The following MICU1 variants were observed in gnomAD, a reference collection of about 807,000 sequenced individuals.
MICU1 encodes calcium uptake protein 1, mitochondrial.
In MICU1, 45 loss-of-function variants were observed where a neutral mutation model predicts 56.8. That is an observed-to-expected ratio of 0.79 (90% CI 0.62 to 1.02). MICU1 has a LOEUF of 1.02. Among genes scored for constraint, MICU1 ranks in the 50% least tolerant of loss-of-function variants. MICU1 has a pLI of 0.00. For missense variants in MICU1, 504 were observed against 587.1 expected, an observed-to-expected ratio of 0.86 and a Z score of 1.46; for synonymous variants, 186 against 195.1, an observed-to-expected ratio of 0.95 and a Z score of 0.39.
At chr10:72,391,643 C>T (rs1416550353) in intron 10 of MICU1, among the ~76,000 whole-genome samples, 1 of 151,842 alleles carries the variant, frequency 6.6e-6, no homozygotes, top group Admixed American at 6.6e-5. Flanking sequence ...TGCATAGGTC[C>T]ACTTACGTGC....
At chr10:72,446,992 G>A (rs949646918) in intron 8 of MICU1, among the ~76,000 whole-genome samples, 23 of 152,152 alleles carry the variant, frequency 1.5e-4, no homozygotes, top group Admixed American at 7.2e-4. Context: ...CTGTAAGTAA[G>A]TAATTCTCTT....
chr10:72,432,009 T>A (rs1864549306), intron 8 of MICU1, among the ~76,000 whole-genome samples: 1 of 152,098 alleles, frequency 6.6e-6, no homozygotes, highest in Admixed American at 6.6e-5. Flanking sequence ...TTATGTTGTC[T>A]ATTTTTAAAA....
At chr10:72,537,020 C>T (rs1214466031) in intron 4 of MICU1, among the ~76,000 whole-genome samples, 1 of 151,926 alleles carries the variant, frequency 6.6e-6, no homozygotes, top group Non-Finnish European at 1.5e-5. Context: ...AGATGGAACA[C>T]ATTTATGTTT....
chr10:72,504,476 T>C (rs772859957), intron 6 of MICU1, among the ~76,000 whole-genome samples: 3 of 152,050 alleles, frequency 2.0e-5, no homozygotes, highest in Non-Finnish European at 4.4e-5. Flanking sequence ...AAAAATTAAC[T>C]CAAGATGGAT....
At chr10:72,485,085 C>T (rs1412821762) in intron 6 of MICU1, among the ~76,000 whole-genome samples, 1 of 151,848 alleles carries the variant, frequency 6.6e-6, no homozygotes, top group Non-Finnish European at 1.5e-5. Flanking sequence ...GCCAATCCTA[C>T]TGAGAAAATT....
intron 10 of MICU1, among the ~76,000 whole-genome samples, chr10:72,387,387 A>G (rs141904644): frequency 2.0e-5 from 3 of 152,312 alleles, no homozygotes; most frequent in African/African-American, 7.2e-5. Flanking sequence ...TCTAGAATTA[A>G]TTCATTTACA....
intron 10 of MICU1, among the ~76,000 whole-genome samples, chr10:72,400,727 C>G (rs1863423715): frequency 6.6e-6 from 1 of 152,086 alleles, no homozygotes; most frequent in African/African-American, 2.4e-5. Flanking sequence ...ACCTGGGCAA[C>G]AAGAGCAAAA....
At chr10:72,426,398 ATTT>A (rs201257033) in intron 8 of MICU1, among the ~76,000 whole-genome samples, 2 of 135,596 alleles carry the variant, frequency 1.5e-5, no homozygotes, top group Non-Finnish European at 1.6e-5. Context: ...AGCATTCTGG[ATTT>A]TTTTTTTTTT....
At chr10:72,555,219 G>A (rs1840131198) in intron 3 of MICU1, among the ~76,000 whole-genome samples, 1 of 152,164 alleles carries the variant, frequency 6.6e-6, no homozygotes, top group African/African-American at 2.4e-5. Context: ...CTAAGAAAGA[G>A]GGGCTATGAG....
intron 9 of MICU1, among the ~76,000 whole-genome samples, chr10:72,415,371 C>T (rs1326123977): frequency 6.6e-6 from 1 of 152,068 alleles, no homozygotes; most frequent in African/African-American, 2.4e-5. Context: ...AGGTACAAGG[C>T]AATTCTTTCT....
chr10:72,508,522 T>C (rs892382273), intron 5 of MICU1: 5 of 262,046 alleles, frequency 1.9e-5, no homozygotes, highest in Non-Finnish European at 2.9e-5. Context: ...TAGAACCCTC[T>C]GCCATTGCAC....
intron 8 of MICU1, among the ~76,000 whole-genome samples, chr10:72,428,863 T>A (rs1294990276): frequency 6.6e-6 from 1 of 152,166 alleles, no homozygotes; most frequent in Non-Finnish European, 1.5e-5. Flanking sequence ...AGGTTTGATA[T>A]GTTTTGTTTT....
intron 1 of MICU1, among the ~76,000 whole-genome samples, chr10:72,595,479 A>G (rs1460440138): frequency 7.3e-5 from 11 of 151,230 alleles, no homozygotes; most frequent in Admixed American, 5.3e-4. Context: ...AAAAGAAAAA[A>G]AAAAAAGACC....
chr10:72,394,330 C>A (rs1354022621), intron 10 of MICU1, among the ~76,000 whole-genome samples: 1 of 152,142 alleles, frequency 6.6e-6, no homozygotes, highest in Non-Finnish European at 1.5e-5. Context: ...ACTACAGCAA[C>A]CAAGAATTAA....
chr10:72,517,035 A>C (rs11000336), intron 5 of MICU1, among the ~76,000 whole-genome samples: 95,191 of 152,006 alleles, frequency 0.63, 31,327 homozygotes, highest in African/African-American at 0.72. Context: ...AAGATTCTTA[A>C]AAAATTCATG....
At chr10:72,390,585 T>C (rs1863035791) in intron 10 of MICU1, among the ~76,000 whole-genome samples, 1 of 152,196 alleles carries the variant, frequency 6.6e-6, no homozygotes, top group Non-Finnish European at 1.5e-5. Flanking sequence ...AAATTATGCC[T>C]AAAGACTGGT....
chr10:72,591,321 T>C (rs1841218144), intron 1 of MICU1, among the ~76,000 whole-genome samples: 1 of 151,008 alleles, frequency 6.6e-6, no homozygotes, highest in South Asian at 2.1e-4. Flanking sequence ...CTCATGGAAC[T>C]AGAAAAAGAA....
intron 2 of MICU1, among the ~76,000 whole-genome samples, chr10:72,565,842 C>T (rs191710629): frequency 1.8e-3 from 269 of 151,802 alleles, no homozygotes; most frequent in Non-Finnish European, 3.2e-3. Context: ...AAATAAAAAA[C>T]AGAGAGTGAC....
chr10:72,495,456 G>A, intron 6 of MICU1, among the ~76,000 whole-genome samples: 1 of 152,126 alleles, frequency 6.6e-6, no homozygotes, highest in East Asian at 1.9e-4. Context: ...AGGAGTTCAA[G>A]ACTAGCACGG....
Sources: allele counts gnomAD v4.1 joint callset (sites outside exome capture counted in the v4.1 genomes callset), GRCh38; gene constraint gnomAD v4.1.1; transcripts MANE v1.5; gene names NCBI Gene and HGNC (gene_info 2026-07-23, HGNC 2026-07-21).